The following ZHX2 variants were observed in gnomAD, a reference collection of about 807,000 sequenced individuals.
The protein encoded by ZHX2 is zinc fingers and homeoboxes 2, also known as zinc fingers and homeoboxes protein 2.
Under a neutral mutation model 21.9 loss-of-function variants are expected in ZHX2, and 6 were observed. That is an observed-to-expected ratio of 0.27 (90% confidence interval 0.15 to 0.54). The LOEUF (loss-of-function observed/expected upper bound fraction) is 0.54, where lower values mean the gene tolerates loss of function less well. ZHX2 is among the 20% of genes least tolerant of loss of function. The probability of loss-of-function intolerance (pLI) is 0.95; values close to 1 mark genes in which losing one functional copy is unlikely to be tolerated. For missense variants in ZHX2, 908 were observed against 1,090.7 expected, an observed-to-expected ratio of 0.83 and a Z score of 2.36; for synonymous variants, 434 against 437.1, an observed-to-expected ratio of 0.99 and a Z score of 0.09.
chr8:122,874,571 G>T, intron 2 of ZHX2, among the ~76,000 whole-genome samples: 1 of 152,108 alleles, frequency 6.6e-6, no homozygotes, highest in East Asian at 1.9e-4. Flanking sequence ...GACCTCAAGT[G>T]ATCCGCCTAC....
intron 1 of ZHX2, among the ~76,000 whole-genome samples, chr8:122,794,938 C>A (rs1002825005): frequency 6.6e-6 from 1 of 152,194 alleles, no homozygotes; most frequent in African/African-American, 2.4e-5. Flanking sequence ...ATGGAAATAA[C>A]CTGTTAGAAA....
chr8:122,917,930 A>G (rs975673080), intron 2 of ZHX2, among the ~76,000 whole-genome samples: 21 of 152,142 alleles, frequency 1.4e-4, no homozygotes, highest in Non-Finnish European at 1.2e-4. Flanking sequence ...TCTTCTCAAC[A>G]CACTGCAGAC....
intron 2 of ZHX2, among the ~76,000 whole-genome samples, chr8:122,890,330 T>A (rs1486141642): frequency 6.6e-6 from 1 of 152,220 alleles, no homozygotes; most frequent in Non-Finnish European, 1.5e-5. Flanking sequence ...TCTTTTATAA[T>A]GCCCATACCA....
intron 2 of ZHX2, among the ~76,000 whole-genome samples, chr8:122,909,470 G>A (rs1022117916): frequency 6.6e-6 from 1 of 151,856 alleles, no homozygotes; most frequent in Non-Finnish European, 1.5e-5. Context: ...AGGCGTTAGG[G>A]GACAACTTTG....
upstream of ZHX2, among the ~76,000 whole-genome samples, chr8:122,781,222 G>T (rs1040622201): frequency 1.3e-5 from 2 of 152,208 alleles, no homozygotes; most frequent in African/African-American, 4.8e-5. The surrounding 1 kb of genome is among the most constrained non-coding windows in gnomAD (Gnocchi z 4.6). Context: ...GCCTGCAAGC[G>T]CGCCCTTCGG....
At chr8:122,807,704 G>A (rs1467821248) in intron 1 of ZHX2, 1 of 152,236 alleles carries the variant, frequency 6.6e-6, no homozygotes, top group East Asian at 1.9e-4. Context: ...CGCTTACTGT[G>A]TGCTTTTATG....
chr8:122,866,989 ATT>A (rs11339473), intron 2 of ZHX2, among the ~76,000 whole-genome samples: 23,535 of 143,438 alleles, frequency 0.16, 1,977 homozygotes, highest in Middle Eastern at 0.26. Flanking sequence ...CATGCCAGCT[ATT>A]TTTTTTTTTT....
intron 1 of ZHX2, among the ~76,000 whole-genome samples, chr8:122,805,149 C>A (rs557490260): frequency 6.7e-6 from 1 of 148,708 alleles, no homozygotes; most frequent in South Asian, 2.2e-4. Context: ...GCAAAGGAAG[C>A]GCTGGGTGGG....
At chr8:122,815,727 G>T (rs185437871) in intron 1 of ZHX2, 1 of 152,400 alleles carries the variant, frequency 6.6e-6, no homozygotes, top group Admixed American at 6.5e-5. Flanking sequence ...AAACAGCATC[G>T]CATGCTACAG....
chr8:122,957,551 T>C (rs1429310836), intron 3 of ZHX2, among the ~76,000 whole-genome samples: 1 of 152,112 alleles, frequency 6.6e-6, no homozygotes, highest in Admixed American at 6.5e-5. Context: ...CACCCCAACC[T>C]CCGCCTCCCA....
At chr8:122,910,953 C>T (rs1820465272) in intron 2 of ZHX2, among the ~76,000 whole-genome samples, 1 of 152,228 alleles carries the variant, frequency 6.6e-6, no homozygotes, top group South Asian at 2.1e-4. Flanking sequence ...AACATCACTC[C>T]TGCCCACTGT....
At chr8:122,963,106 G>A (rs1406263970) in intron 3 of ZHX2, among the ~76,000 whole-genome samples, 1 of 152,018 alleles carries the variant, frequency 6.6e-6, no homozygotes, top group Non-Finnish European at 1.5e-5. Flanking sequence ...CTTTTTCTGT[G>A]CAGAAGCTTT....
chr8:122,915,826 C>A (rs186001564), intron 2 of ZHX2, among the ~76,000 whole-genome samples: 2 of 152,208 alleles, frequency 1.3e-5, no homozygotes, highest in South Asian at 4.1e-4. Flanking sequence ...TCTTCCCCAC[C>A]GCACAGTGGT....
intron 2 of ZHX2, among the ~76,000 whole-genome samples, chr8:122,921,445 T>A (rs1820736436): frequency 6.6e-6 from 1 of 152,182 alleles, no homozygotes; most frequent in Non-Finnish European, 1.5e-5. Flanking sequence ...CTGTTTTCTC[T>A]TCTTTCCCAT....
chr8:122,898,438 A>G (rs1231200558), intron 2 of ZHX2, among the ~76,000 whole-genome samples: 10 of 152,190 alleles, frequency 6.6e-5, no homozygotes. Context: ...ACCACTTAAT[A>G]GGTACATATT....
At chr8:122,847,482 G>T (rs763875045) in intron 1 of ZHX2, among the ~76,000 whole-genome samples, 1 of 152,164 alleles carries the variant, frequency 6.6e-6, no homozygotes, top group Non-Finnish European at 1.5e-5. Flanking sequence ...TTGAGTCCAG[G>T]TCCCTCCTCA....
intron 1 of ZHX2, among the ~76,000 whole-genome samples, chr8:122,790,681 C>T (rs2130533892): frequency 6.6e-6 from 1 of 152,326 alleles, no homozygotes; most frequent in African/African-American, 2.4e-5. Flanking sequence ...GATCTCAGCT[C>T]ATTGCAACCT....
chr8:122,861,058 A>G (rs1016224875), intron 1 of ZHX2, among the ~76,000 whole-genome samples: 2 of 143,560 alleles, frequency 1.4e-5, no homozygotes, highest in African/African-American at 2.5e-5. Context: ...AAAAAAAAAA[A>G]GCACTATCAG....
At chr8:122,840,538 G>A (rs569310203) in intron 1 of ZHX2, among the ~76,000 whole-genome samples, 8 of 152,294 alleles carry the variant, frequency 5.3e-5, no homozygotes, top group East Asian at 3.9e-4. Context: ...AGTGCTTTAC[G>A]TTAAAAGTGG....
Sources: gnomAD v4.1 joint callset for allele counts (sites outside exome capture counted in the v4.1 genomes callset) on GRCh38, gnomAD v4.1.1 for gene constraint, Gnocchi (gnomAD v3.1) non-coding constraint, MANE v1.5 for transcripts, NCBI Gene and HGNC (gene_info 2026-07-23, HGNC 2026-07-21) for gene names.